The following ZNF334 variants were observed in gnomAD, a reference collection of about 807,000 sequenced individuals.
ZNF334 encodes the protein zinc finger protein 334.
ZNF334 carries 14 observed loss-of-function variants against 12.4 expected under a neutral mutation model. The observed-to-expected ratio is 1.13, with a 90% CI of 0.74 to 1.76. ZNF334 has a LOEUF of 1.76. ZNF334 is among the 40% of genes most tolerant of loss of function. The pLI is 0.00. For missense variants in ZNF334, 797 were observed against 804.5 expected, an observed-to-expected ratio of 0.99 and a Z score of 0.11; for synonymous variants, 273 against 269.6, an observed-to-expected ratio of 1.01 and a Z score of -0.12.
intron 2 of ZNF334, chr20:46,506,777 G>C (rs192391350): frequency 6.4e-6 from 1 of 155,262 alleles, no homozygotes; most frequent in African/African-American, 2.4e-5. Flanking sequence ...GAGAAGGAGT[G>C]ACACTTCTCT....
chr20:46,476,708 T>C, the ZNF334 span, among the ~76,000 whole-genome samples: 1 of 152,228 alleles, frequency 6.6e-6, no homozygotes, highest in Non-Finnish European at 1.5e-5. Flanking sequence ...AAGAACCCAA[T>C]GCCTTCATTT....
At chr20:46,481,646 G>A in the ZNF334 span, among the ~76,000 whole-genome samples, 33 of 152,300 alleles carry the variant, frequency 2.2e-4, 1 homozygote, top group East Asian at 6.2e-3. Context: ...GCTGGAGCAG[G>A]GCACAGGCAG....
At chr20:46,508,228 A>G (rs753183737) in intron 2 of ZNF334, among the ~76,000 whole-genome samples, 42 of 152,240 alleles carry the variant, frequency 2.8e-4, no homozygotes, top group Non-Finnish European at 5.6e-4. Context: ...ATTTCACACA[A>G]AACAAGATTA....
chr20:46,472,619 G>A, the ZNF334 span, among the ~76,000 whole-genome samples: 3 of 152,182 alleles, frequency 2.0e-5, no homozygotes, highest in Non-Finnish European at 2.9e-5. Flanking sequence ...TCAAGGATTG[G>A]TAAGAAGGCT....
chr20:46,509,488 GAGCATGGGGTC>G (rs1269145292), intron 2 of ZNF334: 1 of 681,622 alleles, frequency 1.5e-6, no homozygotes, highest in African/African-American at 1.8e-5. Context: ...TCCTCAGCAG[GAGCATGGGGTC>G]AGCACGTGGG....
At chr20:46,462,742 T>C in the ZNF334 span, among the ~76,000 whole-genome samples, 2 of 152,190 alleles carry the variant, frequency 1.3e-5, no homozygotes, top group African/African-American at 4.8e-5. Flanking sequence ...TACTGCTTTG[T>C]CCTTTAAAAT....
the ZNF334 span, chr20:46,485,440 T>G: frequency 4.3e-5 from 4 of 93,552 alleles, no homozygotes; most frequent in Non-Finnish European, 8.9e-5. Context: ...GTTTTTTTTG[T>G]TTTTTTTTTT....
chr20:46,504,527 G>T, intron 3 of ZNF334, 87 bp downstream of exon 3: 1 of 1,483,542 alleles, frequency 6.7e-7, no homozygotes, highest in Non-Finnish European at 9.1e-7. Context: ...TGATGCTCAG[G>T]GCTAAATAAA....
At chr20:46,470,430 A>C in the ZNF334 span, among the ~76,000 whole-genome samples, 2,014 of 152,282 alleles carry the variant, frequency 0.013, 16 homozygotes, top group South Asian at 0.042. Context: ...CTACCCTGAG[A>C]TGTGAGGCTT....
At chr20:46,486,022 G>A in the ZNF334 span, among the ~76,000 whole-genome samples, 1 of 152,116 alleles carries the variant, frequency 6.6e-6, no homozygotes, top group Non-Finnish European at 1.5e-5. Context: ...CTGCCGCCTT[G>A]TGGCTTTAGA....
Position 46,504,251 on chromosome 20 carries a change from T to C in ZNF334, c.204A>G (p.Pro68=). The C allele has an allele frequency of 6.2e-7, 1 of 1,613,846 alleles. No homozygotes were observed. The highest frequency in any genetic ancestry group is 8.5e-7 in the Non-Finnish European group (1 of 1,179,836). The change falls in exon 4 of 5, where the codon CCA becomes CCG. Residue 68 remains proline (P), a synonymous_variant. Coordinates refer to ENST00000692313, the MANE Select transcript of ZNF334 (RefSeq NM_001353824.2). ...GATTTGAGAATTCCTCCACTATCCA[T>C]GGCTCTTCTCCTTGCTCCAATTTGA... ...VIFKLEQGEE[P]WIVEEFSNQN... is the part of the protein sequence containing the mutation.
At chr20:46,510,836 A>AAAAG (rs200309114) in intron 2 of ZNF334, among the ~76,000 whole-genome samples, 334 of 152,172 alleles carry the variant, frequency 2.2e-3, no homozygotes, top group Non-Finnish European at 3.0e-3. Context: ...TGATAGGGAA[A>AAAAG]AAAGAAGCAG....
At chr20:46,472,420 G>A in the ZNF334 span, among the ~76,000 whole-genome samples, 3 of 152,204 alleles carry the variant, frequency 2.0e-5, no homozygotes, top group African/African-American at 7.2e-5. Flanking sequence ...GTAGGGAGAA[G>A]AAATATGAAA....
At chr20:46,483,967 A>T in the ZNF334 span, among the ~76,000 whole-genome samples, 1 of 152,104 alleles carries the variant, frequency 6.6e-6, no homozygotes, top group Non-Finnish European at 1.5e-5. Context: ...AGAACTTTTG[A>T]CTGTTCATAT....
the ZNF334 span, among the ~76,000 whole-genome samples, chr20:46,470,926 C>A: frequency 4.6e-5 from 7 of 152,272 alleles, no homozygotes; most frequent in African/African-American, 1.7e-4. Context: ...TTCTTGTACA[C>A]AAATTCTGGT....
chr20:46,488,442 T>A, the ZNF334 span, among the ~76,000 whole-genome samples: 9 of 136,486 alleles, frequency 6.6e-5, no homozygotes, highest in East Asian at 2.0e-4. Flanking sequence ...TATATATATA[T>A]AAATACCATA....
intron 1 of ZNF334, 116 bp downstream of exon 1, chr20:46,512,421 TAGG>T (rs2061686467): frequency 8.3e-6 from 2 of 240,836 alleles, no homozygotes; most frequent in African/African-American, 2.3e-5. Flanking sequence ...GTCCAATTAA[TAGG>T]AGACTAGGTC....
chr20:46,510,293 A>C (rs906399169), intron 2 of ZNF334, among the ~76,000 whole-genome samples: 3 of 152,186 alleles, frequency 2.0e-5, no homozygotes, highest in Non-Finnish European at 4.4e-5. Context: ...GAAAGCTACT[A>C]ATATTATGAC....
chr20:46,496,151 A>G (rs1342575079), downstream of ZNF334, among the ~76,000 whole-genome samples: 1 of 152,190 alleles, frequency 6.6e-6, no homozygotes, highest in African/African-American at 2.4e-5. Flanking sequence ...GTTCACCTAT[A>G]TGTCAAGCTG....
Sources: gnomAD v4.1 joint callset for allele counts (sites outside exome capture counted in the v4.1 genomes callset) on GRCh38, gnomAD v4.1.1 for gene constraint, MANE v1.5 for transcripts, NCBI Gene and HGNC (gene_info 2026-07-23, HGNC 2026-07-21) for gene names.